The following SUGCT variants were observed in gnomAD, a reference collection of about 807,000 sequenced individuals.
SUGCT encodes succinyl-CoA:glutarate-CoA transferase.
A neutral mutation model predicts 55.0 loss-of-function variants in SUGCT; 41 were observed. The ratio of observed to expected loss-of-function variants is 0.74; its 90% CI spans 0.58 to 0.97. The LOEUF (loss-of-function observed/expected upper bound fraction) is 0.97. Among genes scored for constraint, SUGCT ranks in the 50% least tolerant of loss-of-function variants. The probability of loss-of-function intolerance (pLI) is 0.00; values close to 1 mark genes in which losing one functional copy is unlikely to be tolerated. For missense variants in SUGCT, 568 were observed against 547.8 expected (o/e 1.04, Z -0.37); for synonymous variants, 187 against 200.4 (o/e 0.93, Z 0.56).
the SUGCT span, among the ~76,000 whole-genome samples, chr7:40,940,604 T>A: frequency 1.1e-4 from 16 of 152,096 alleles, no homozygotes; most frequent in Non-Finnish European, 1.9e-4. Flanking sequence ...ACCTTCTTGG[T>A]TAAGTATATT....
chr7:40,194,348 A>G (rs1332648803), intron 5 of SUGCT, among the ~76,000 whole-genome samples: 1 of 152,016 alleles, frequency 6.6e-6, no homozygotes. Flanking sequence ...TGCAGCCTCA[A>G]TTTACCGGCT....
At chr7:40,468,318 A>G (rs1461357105) in intron 11 of SUGCT, among the ~76,000 whole-genome samples, 2 of 152,056 alleles carry the variant, frequency 1.3e-5, no homozygotes, top group East Asian at 1.9e-4. Flanking sequence ...TCAGTTAAGT[A>G]ATATCTGTAA....
At chr7:40,770,426 G>A (rs1789034631) in intron 13 of SUGCT, among the ~76,000 whole-genome samples, 1 of 152,080 alleles carries the variant, frequency 6.6e-6, no homozygotes, top group African/African-American at 2.4e-5. Flanking sequence ...GGTGGTCCTT[G>A]TCTTTGCAGT....
rs906332632 is a variant in SUGCT at position 40,532,833 on chromosome 7, G to A, written c.1089+36447G>A. Among the ~76,000 whole-genome samples, 5 of 151,966 alleles carry A rather than the reference G, an allele frequency of 3.3e-5. No homozygotes were observed. In the South Asian group the frequency reaches 8.3e-4, roughly 25 times the overall value. On this transcript the variant is annotated intron_variant, in intron 12 of 13. Coordinates refer to ENST00000335693, the MANE Select transcript of SUGCT (RefSeq NM_001193313.2). ...TTTAGGACCTGTAAATTAATGTTTCGTATGTGAATTATGAATACAATATTT... is the reference window on the plus strand; with the variant it reads ...TTTAGGACCTGTAAATTAATGTTTCATATGTGAATTATGAATACAATATTT...
chr7:40,563,012 G>A (rs1262351387), intron 12 of SUGCT, among the ~76,000 whole-genome samples: 1 of 152,040 alleles, frequency 6.6e-6, no homozygotes, highest in Non-Finnish European at 1.5e-5. Context: ...TGTGAGGGAG[G>A]GGTCCAAGGA....
chr7:40,871,713 T>C, the SUGCT span, among the ~76,000 whole-genome samples: 1 of 147,494 alleles, frequency 6.8e-6, no homozygotes, highest in Non-Finnish European at 1.5e-5. Context: ...GGTATTCACG[T>C]CTTTCAGTGA....
At chr7:40,427,275 T>C (rs1176890786) in intron 9 of SUGCT, among the ~76,000 whole-genome samples, 2 of 152,160 alleles carry the variant, frequency 1.3e-5, no homozygotes, top group Admixed American at 6.5e-5. Flanking sequence ...TGATCCTCTA[T>C]GGATAATTCT....
chr7:40,250,859 C>T (rs866868454), intron 7 of SUGCT, among the ~76,000 whole-genome samples: 32 of 112,820 alleles, frequency 2.8e-4, no homozygotes, highest in Admixed American at 1.6e-3. Flanking sequence ...TTTTTTAAGA[C>T]GGGGTCTCAC....
At chr7:40,208,764 C>T (rs1787155811) in intron 6 of SUGCT, among the ~76,000 whole-genome samples, 2 of 151,954 alleles carry the variant, frequency 1.3e-5, no homozygotes, top group South Asian at 2.1e-4. Context: ...AGGCTGGCCT[C>T]GAACTCCTGA....
At chr7:40,627,935 G>A (rs151217685) in intron 12 of SUGCT, among the ~76,000 whole-genome samples, 2 of 152,168 alleles carry the variant, frequency 1.3e-5, no homozygotes, top group Non-Finnish European at 2.9e-5. Context: ...TGAAACATGT[G>A]GCCTGCATTT....
At chr7:40,801,242 G>A (rs1374318878) in intron 13 of SUGCT, among the ~76,000 whole-genome samples, 1 of 152,196 alleles carries the variant, frequency 6.6e-6, no homozygotes, top group Non-Finnish European at 1.5e-5. Flanking sequence ...GCCATCCGGG[G>A]TATTTAACTT....
chr7:40,421,069 A>T (rs1416443089), intron 9 of SUGCT, among the ~76,000 whole-genome samples: 1 of 152,084 alleles, frequency 6.6e-6, no homozygotes, highest in Non-Finnish European at 1.5e-5. Flanking sequence ...TTATTTACAT[A>T]GTTCTCTCAT....
the SUGCT span, among the ~76,000 whole-genome samples, chr7:41,037,084 G>A: frequency 6.6e-6 from 1 of 152,182 alleles, no homozygotes; most frequent in Non-Finnish European, 1.5e-5. Flanking sequence ...GACAAATCCT[G>A]TAACACTGAA....
intron 1 of SUGCT, among the ~76,000 whole-genome samples, chr7:40,169,616 T>G (rs781103972): frequency 3.3e-5 from 5 of 152,182 alleles, no homozygotes; most frequent in Admixed American, 6.5e-5. Flanking sequence ...CGGACAATCT[T>G]TTTTAAAATG....
At chr7:40,505,862 G>T (rs1003879862) in intron 12 of SUGCT, among the ~76,000 whole-genome samples, 1 of 151,838 alleles carries the variant, frequency 6.6e-6, no homozygotes, top group African/African-American at 2.4e-5. Context: ...CTATTGATTT[G>T]AGTTATTAAA....
intron 9 of SUGCT, among the ~76,000 whole-genome samples, chr7:40,362,637 G>T (rs73688065): frequency 0.015 from 2,287 of 152,216 alleles, 51 homozygotes; most frequent in South Asian, 0.059. Flanking sequence ...ATATCCAACA[G>T]AGAAGGAAAG....
At chr7:40,683,486 C>T (rs979243838) in intron 12 of SUGCT, among the ~76,000 whole-genome samples, 1 of 152,176 alleles carries the variant, frequency 6.6e-6, no homozygotes, top group Non-Finnish European at 1.5e-5. Flanking sequence ...GGCTTGGACA[C>T]ATTTGAGAAA....
intron 12 of SUGCT, among the ~76,000 whole-genome samples, chr7:40,611,282 A>G (rs2151771228): frequency 6.6e-6 from 1 of 152,328 alleles, no homozygotes; most frequent in Non-Finnish European, 1.5e-5. Flanking sequence ...AAAATGAATT[A>G]TCATAATTTA....
the SUGCT span, among the ~76,000 whole-genome samples, chr7:40,947,195 A>G: frequency 7.2e-5 from 11 of 152,120 alleles, no homozygotes; most frequent in Middle Eastern, 3.4e-3. Flanking sequence ...AAGTTCACCA[A>G]TTTTCACCTC....
Sources: allele counts gnomAD v4.1 joint callset (sites outside exome capture counted in the v4.1 genomes callset), GRCh38; gene constraint gnomAD v4.1.1; transcripts MANE v1.5; gene names NCBI Gene and HGNC (gene_info 2026-07-23, HGNC 2026-07-21).